The following APBA2 variants were observed in gnomAD, a reference collection of about 807,000 sequenced individuals.
APBA2 encodes amyloid beta precursor protein binding family A member 2, also known as amyloid-beta A4 precursor protein-binding family A member 2.
In APBA2, 30 loss-of-function variants were observed where a neutral mutation model predicts 75.0. The ratio of observed to expected loss-of-function variants is 0.40; its 90% CI spans 0.30 to 0.54. The LOEUF (loss-of-function observed/expected upper bound fraction) is 0.54, where lower values mean the gene tolerates loss of function less well. Ranked by LOEUF, APBA2 falls within the 20% of genes least tolerant of loss-of-function variation. The pLI is 0.49. For missense variants in APBA2, 801 were observed against 1,016.1 expected (o/e 0.79, Z 2.88); for synonymous variants, 444 against 409.6 (o/e 1.08, Z -1.01).
At chr15:29,018,623 A>G (rs903158159) in intron 3 of APBA2, among the ~76,000 whole-genome samples, 1 of 152,164 alleles carries the variant, frequency 6.6e-6, no homozygotes, top group African/African-American at 2.4e-5. Flanking sequence ...GCCCCTGGCT[A>G]GGGATGGAGC....
At chr15:29,063,859 A>G (rs1169070542) in intron 4 of APBA2, among the ~76,000 whole-genome samples, 1 of 152,024 alleles carries the variant, frequency 6.6e-6, no homozygotes, top group Admixed American at 6.6e-5. Flanking sequence ...GGAGTGACAC[A>G]AAGGAGGTGG....
chr15:29,102,471 A>G (rs2044172893), intron 10 of APBA2: 1 of 155,480 alleles, frequency 6.4e-6, no homozygotes, highest in Non-Finnish European at 1.4e-5. Context: ...AATATGATCT[A>G]TGGCTGGGCA....
chr15:28,929,821 A>G (rs1433088545), intron 2 of APBA2, among the ~76,000 whole-genome samples: 4 of 152,130 alleles, frequency 2.6e-5, no homozygotes, highest in African/African-American at 4.8e-5. Context: ...CTAAACCATC[A>G]CCATCTGTTC....
In APBA2 at chr15:29,046,252, G is replaced by C. The variant is rs1353905214; in HGVS notation, c.-40-7593G>C. On this transcript the variant is annotated intron_variant, in intron 3 of 14. Transcript: ENST00000683413. This position sits in a 1 kb window ranked among gnomAD's most constrained non-coding sequence, Gnocchi z 5.0. ...ATGAGATACCAGAAATCCAGTAGGA[G>C]AACACTTTCTTTGAAAGAACCACTT... 6.6e-6 allele frequency among the ~76,000 whole-genome samples: 1 copy of C among 152,224 alleles called. No homozygotes were observed. The highest frequency in any genetic ancestry group is 1.9e-4 in the East Asian group (1 of 5,188).
intron 4 of APBA2, among the ~76,000 whole-genome samples, chr15:29,055,345 T>C (rs1454606223): frequency 6.6e-6 from 1 of 152,248 alleles, no homozygotes; most frequent in Middle Eastern, 3.2e-3. Flanking sequence ...GGCCTTGGCC[T>C]GATGGGCAAT....
rs544839786 is a variant in APBA2, at chr15:29,074,802, T to C, written c.952-119T>C. 1.1e-5 allele frequency: 9 copies of C among 789,944 alleles called. No homozygotes were observed. In the East Asian group the frequency reaches 2.1e-4, roughly 19 times the overall value. The allele number at this position is 789,944 out of a possible 1,614,324, so 48.9% of individuals were successfully genotyped here. A position where few individuals can be genotyped will look rare whatever the true frequency, so the allele number is the denominator to read the frequency against. The stretch of plus-strand genomic sequence containing the variant: ...TTAAATAGACGTCTGCACACACACC[T>C]ATACACATACAGACATACACATGCA... On this transcript the variant is annotated intron_variant, in intron 4 of 14. Coordinates refer to ENST00000683413, the MANE Select transcript of APBA2 (RefSeq NM_001353788.2).
At chr15:29,059,694 C>A (rs1176009366) in intron 4 of APBA2, among the ~76,000 whole-genome samples, 1 of 152,170 alleles carries the variant, frequency 6.6e-6, no homozygotes, top group East Asian at 1.9e-4. Context: ...TGTCCCGAGG[C>A]TCATAGGAAC....
chr15:28,948,592 C>T (rs184965960), intron 2 of APBA2, among the ~76,000 whole-genome samples: 11 of 152,166 alleles, frequency 7.2e-5, no homozygotes, highest in Non-Finnish European at 1.5e-4. Flanking sequence ...CTTACGGCTA[C>T]GCCCTGGAAT....
intron 3 of APBA2, among the ~76,000 whole-genome samples, chr15:29,041,576 A>T (rs1434224807): frequency 3.3e-5 from 5 of 152,170 alleles, no homozygotes; most frequent in Admixed American, 3.3e-4. Context: ...ATAAGAAAAT[A>T]TACAAGATCC....
chr15:29,098,525 G>C lies in APBA2; in HGVS notation c.1287G>C (p.Val429=), dbSNP rs201193498. ...SEGDAQTLTE[V]DLFISTQRIK... Reference sequence around the variant, plus strand: ...GGGATGCCCAGACGCTGACGGAAGTGGACCTCTTCATTTCCACCCAGAGGA... The same window carrying C: ...GGGATGCCCAGACGCTGACGGAAGTCGACCTCTTCATTTCCACCCAGAGGA... The change falls in exon 9 of 15, where the codon GTG becomes GTC. Residue 429 remains valine, a synonymous_variant. Coordinates refer to ENST00000683413, the MANE Select transcript of APBA2 (RefSeq NM_001353788.2). 5.6e-5 allele frequency: 90 copies of C among 1,614,024 alleles called. No individual in the cohort carries two copies. The highest frequency in any genetic ancestry group is 1.6e-4 in the Middle Eastern group (1 of 6,084).
intron 2 of APBA2, among the ~76,000 whole-genome samples, chr15:28,952,687 GCATGTATGCCTAAA>G: frequency 6.6e-6 from 1 of 152,284 alleles, no homozygotes; most frequent in South Asian, 2.1e-4. Context: ...TTTTTACACT[GCATGTATGCCTAAA>G]TGATATATCC....
chr15:29,082,499 T>C (rs1424981368), intron 6 of APBA2, among the ~76,000 whole-genome samples: 1 of 152,200 alleles, frequency 6.6e-6, no homozygotes, highest in Non-Finnish European at 1.5e-5. Flanking sequence ...TATCTCCCCA[T>C]TTCCCCCACC....
chr15:29,054,547 C>T lies in APBA2; in HGVS notation c.663C>T (p.Asp221=). The change falls in exon 4 of 15, where the codon GAC becomes GAT. Residue 221 remains aspartate, a synonymous_variant. Coordinates refer to ENST00000683413, the MANE Select transcript of APBA2 (RefSeq NM_001353788.2). This position sits in a 1 kb window ranked among gnomAD's most constrained non-coding sequence, Gnocchi z 6.1. ...RLRRGDGDLE[D]QEEDIDQIVA... ...GGCGTGGGGATGGGGACCTGGAGGA[C>T]CAGGAGGAGGACATTGACCAGATCG... 6.2e-7 allele frequency: 1 copy of T among 1,613,556 alleles called. No homozygotes were observed.
At chr15:28,975,713 G>T (rs988745663) in intron 2 of APBA2, among the ~76,000 whole-genome samples, 1 of 152,198 alleles carries the variant, frequency 6.6e-6, no homozygotes, top group South Asian at 2.1e-4. Flanking sequence ...AAGTGAAAAA[G>T]CCAGGTAATA....
chr15:28,949,099 T>C (rs1175798853), intron 2 of APBA2, among the ~76,000 whole-genome samples: 1 of 151,608 alleles, frequency 6.6e-6, no homozygotes. Context: ...AGAGCAAGGC[T>C]GGCTGAGCGT....
intron 8 of APBA2, among the ~76,000 whole-genome samples, chr15:29,096,774 G>A (rs2043869537): frequency 1.3e-5 from 2 of 152,182 alleles, no homozygotes; most frequent in African/African-American, 4.8e-5. Flanking sequence ...CATAGTTTTT[G>A]CTGTTTCGAA....
At chr15:29,037,713 G>C (rs1454680579) in intron 3 of APBA2, among the ~76,000 whole-genome samples, 1 of 152,170 alleles carries the variant, frequency 6.6e-6, no homozygotes, top group African/African-American at 2.4e-5. Flanking sequence ...ATAAAGAAAA[G>C]AAGTTTATTG....
chr15:29,075,413 T>G (rs1363549165), intron 5 of APBA2, among the ~76,000 whole-genome samples: 1 of 152,148 alleles, frequency 6.6e-6, no homozygotes, highest in Non-Finnish European at 1.5e-5. Flanking sequence ...GACTGTCCTG[T>G]GTATTGTAGT....
chr15:29,014,704 G>GT (rs531887593), intron 3 of APBA2, among the ~76,000 whole-genome samples: 5,853 of 125,584 alleles, frequency 0.047, 127 homozygotes, highest in African/African-American at 0.05. Flanking sequence ...TCATTTGACT[G>GT]TTTTTTTTTT....
Sources: gnomAD v4.1 joint callset for allele counts (sites outside exome capture counted in the v4.1 genomes callset) on GRCh38, gnomAD v4.1.1 for gene constraint, Gnocchi (gnomAD v3.1) non-coding constraint, MANE v1.5 for transcripts, NCBI Gene and HGNC (gene_info 2026-07-23, HGNC 2026-07-21) for gene names.